Variants in PHYHIPL observed in about 807,000 individuals in gnomAD.
The protein encoded by PHYHIPL is phytanoyl-CoA 2-hydroxylase interacting protein like, also known as phytanoyl-CoA hydroxylase-interacting protein-like.
PHYHIPL carries 9 observed loss-of-function variants against 33.4 expected under a neutral mutation model. The ratio of observed to expected loss-of-function variants is 0.27; its 90% CI spans 0.16 to 0.47. The LOEUF (loss-of-function observed/expected upper bound fraction) is 0.47. PHYHIPL is among the 20% of genes least tolerant of loss of function. PHYHIPL has a pLI of 0.99. For synonymous variants in PHYHIPL, 153 were observed against 154.1 expected, an observed-to-expected ratio of 0.99 and a Z score of 0.05; for missense variants, 365 against 460.7, an observed-to-expected ratio of 0.79 and a Z score of 1.90.
rs746131083 is a variant in PHYHIPL at position 59,245,817 on chromosome 10, T to G, written c.*226T>G. On this transcript the variant is annotated 3_prime_UTR_variant, in exon 5 of 5. Coordinates refer to ENST00000373880, the MANE Select transcript of PHYHIPL (RefSeq NM_032439.4). ...TGATGAAATACCCTAAGTTAAGTTC[T>G]CCTTTTGACACTTTATTGCCTAGAT... The G allele has an allele frequency of 2.8e-5, 14 of 500,920 alleles. No homozygotes were observed. The highest frequency in any genetic ancestry group is 4.2e-5 in the Non-Finnish European group (12 of 286,038). 31.0% of individuals were successfully genotyped at this position (500,920 alleles called of 1,614,324 possible). A position where few individuals can be genotyped will look rare whatever the true frequency, so the allele number is the denominator to read the frequency against.
rs557263484 is a variant in PHYHIPL at position 59,187,772 on chromosome 10, A to T, written c.106+10813A>T. On this transcript the variant is annotated intron_variant, in intron 1 of 4. Coordinates refer to ENST00000373880, the MANE Select transcript of PHYHIPL (RefSeq NM_032439.4). ...TTGAGTAGAGAGGTTCATAGTATTC[A>T]CTGATGGTAGTTTGTATTTCTGTGG... Among the ~76,000 whole-genome samples the T allele has an allele frequency of 3.9e-4, 59 of 152,210 alleles. 1 individual carries two copies. Among genetic ancestry groups the T allele is most frequent in the East Asian group, 3.5e-3 (18 of 5,188 alleles).
chr10:59,198,280 C>A (rs1455604951), intron 1 of PHYHIPL, among the ~76,000 whole-genome samples: 1 of 151,954 alleles, frequency 6.6e-6, no homozygotes, highest in Non-Finnish European at 1.5e-5. Flanking sequence ...TCAATTCCCA[C>A]CTATGAGTGA....
chr10:59,179,668 TTTTTTG>T (rs1438854883), intron 1 of PHYHIPL, among the ~76,000 whole-genome samples: 1 of 152,152 alleles, frequency 6.6e-6, no homozygotes, highest in Non-Finnish European at 1.5e-5. Flanking sequence ...TTCATTGGAT[TTTTTTG>T]TTTTTGTTTT....
intron 2 of PHYHIPL, among the ~76,000 whole-genome samples, chr10:59,235,682 A>C (rs1840207921): frequency 6.6e-6 from 1 of 151,998 alleles, no homozygotes. Flanking sequence ...TGAAATCTTA[A>C]ATTTCAAACA....
intron 1 of PHYHIPL, among the ~76,000 whole-genome samples, chr10:59,224,497 A>AAACAAAACAAAACAAAAC (rs370140471): frequency 2.8e-5 from 2 of 70,410 alleles, no homozygotes; most frequent in Non-Finnish European, 7.7e-5. Context: ...AAACAAAACA[A>AAACAAAACAAAACAAAAC]AAAACAAAAC....
chr10:59,245,699 C>A lies in PHYHIPL; in HGVS notation c.*108C>A. The A allele has an allele frequency of 8.1e-7, 1 of 1,227,420 alleles. No individual in the cohort carries two copies. Among genetic ancestry groups the A allele is most frequent in the South Asian group, 1.5e-5 (1 of 64,530 alleles). 76.0% of individuals were successfully genotyped at this position (1,227,420 alleles called of 1,614,324 possible). A position where few individuals can be genotyped will look rare whatever the true frequency, so the allele number is the denominator to read the frequency against. On this transcript the variant is annotated 3_prime_UTR_variant, in exon 5 of 5. Coordinates refer to ENST00000373880, the MANE Select transcript of PHYHIPL (RefSeq NM_032439.4). ...GTTTTCCACTGAAGCATGCACATGC[C>A]ACTGTCACCAAAACAAACAACTACC...
chr10:59,205,511 A>T (rs1839259834), intron 1 of PHYHIPL, among the ~76,000 whole-genome samples: 1 of 152,198 alleles, frequency 6.6e-6, no homozygotes, highest in Non-Finnish European at 1.5e-5. Flanking sequence ...TCATCATGTA[A>T]AGCATATTTG....
chr10:59,196,779 T>A (rs774076034), intron 1 of PHYHIPL, among the ~76,000 whole-genome samples: 4 of 152,214 alleles, frequency 2.6e-5, no homozygotes, highest in Non-Finnish European at 4.4e-5. Context: ...AGAATAGATT[T>A]GTATTATATT....
chr10:59,197,891 T>C (rs1838963928), intron 1 of PHYHIPL, among the ~76,000 whole-genome samples: 1 of 152,162 alleles, frequency 6.6e-6, no homozygotes, highest in African/African-American at 2.4e-5. Context: ...GGTCAAATAA[T>C]GAAGTTTCAT....
At chr10:59,205,961 A>C (rs1352229212) in intron 1 of PHYHIPL, among the ~76,000 whole-genome samples, 1 of 152,172 alleles carries the variant, frequency 6.6e-6, no homozygotes, top group Non-Finnish European at 1.5e-5. Flanking sequence ...AAGGAACTTA[A>C]GGTCAGGATT....
upstream of PHYHIPL, among the ~76,000 whole-genome samples, chr10:59,173,921 G>GTTTTTTTTT (rs368316005): frequency 1.0e-3 from 59 of 57,552 alleles, 15 homozygotes; most frequent in African/African-American, 1.2e-3. Context: ...TACTTCTGAG[G>GTTTTTTTTT]TTTTTTTTTT....
intron 1 of PHYHIPL, among the ~76,000 whole-genome samples, chr10:59,219,889 T>C (rs1317522538): frequency 6.6e-6 from 1 of 151,998 alleles, no homozygotes; most frequent in Non-Finnish European, 1.5e-5. Context: ...AAAATACAGG[T>C]CCCTACTGAA....
chr10:59,176,226 C>T (rs527240167), upstream of PHYHIPL, among the ~76,000 whole-genome samples: 2 of 152,320 alleles, frequency 1.3e-5, 1 homozygote, highest in South Asian at 4.1e-4. Context: ...AGAGTCCGGG[C>T]CCTTATTTTT....
At chr10:59,238,731 T>G (rs761871501) in intron 4 of PHYHIPL, 26 bp downstream of exon 4, 13 of 1,416,482 alleles carry the variant, frequency 9.2e-6, no homozygotes, top group Non-Finnish European at 9.0e-6. Flanking sequence ...ATATAGTGAT[T>G]TGTTTTACTA....
At chr10:59,193,755 A>G (rs573301680) in intron 1 of PHYHIPL, among the ~76,000 whole-genome samples, 11 of 152,140 alleles carry the variant, frequency 7.2e-5, no homozygotes, top group Middle Eastern at 3.4e-3. Flanking sequence ...GCCTATTTCT[A>G]TATATTTTCT....
At chr10:59,190,603 T>C (rs1466334218) in intron 1 of PHYHIPL, among the ~76,000 whole-genome samples, 1 of 151,950 alleles carries the variant, frequency 6.6e-6, no homozygotes, top group Admixed American at 6.6e-5. Context: ...CAATTTCATT[T>C]CTGAAAATTT....
At chr10:59,175,110 G>A (rs1352314956), upstream of PHYHIPL, among the ~76,000 whole-genome samples, 3 of 152,078 alleles carry the variant, frequency 2.0e-5, no homozygotes, top group African/African-American at 4.8e-5. Flanking sequence ...CCAGGCTTTC[G>A]AACACAGAAA....
chr10:59,182,543 A>G (rs1173101180), intron 1 of PHYHIPL, among the ~76,000 whole-genome samples: 4 of 152,192 alleles, frequency 2.6e-5, no homozygotes, highest in East Asian at 1.9e-4. Flanking sequence ...GGGTTTCACC[A>G]TGTTGGCCAG....
intron 1 of PHYHIPL, among the ~76,000 whole-genome samples, chr10:59,191,049 C>T (rs984138580): frequency 7.2e-5 from 11 of 151,830 alleles, no homozygotes; most frequent in African/African-American, 2.7e-4. Context: ...CTATTTTCCT[C>T]AATATAGTTG....
Sources: gnomAD v4.1 joint callset for allele counts (sites outside exome capture counted in the v4.1 genomes callset) on GRCh38, gnomAD v4.1.1 for gene constraint, MANE v1.5 for transcripts, NCBI Gene and HGNC (gene_info 2026-07-23, HGNC 2026-07-21) for gene names.